The following SLC25A42 variants were observed in gnomAD, a reference collection of about 807,000 sequenced individuals.
SLC25A42 encodes the protein mitochondrial coenzyme A transporter SLC25A42.
Under a neutral mutation model 34.7 loss-of-function variants are expected in SLC25A42, and 19 were observed. The ratio of observed to expected loss-of-function variants is 0.55; its 90% confidence interval spans 0.38 to 0.80. The LOEUF is 0.80. Among genes scored for constraint, SLC25A42 ranks in the 30% least tolerant of loss-of-function variants. The pLI is 0.00. For synonymous variants in SLC25A42, 205 were observed against 191.2 expected (o/e 1.07, Z -0.59); for missense variants, 364 against 441.3 (o/e 0.82, Z 1.57).
rs2059710712 is a variant in SLC25A42, at chr19:19,086,858, C to A, written c.-34-9233C>A. Among the ~76,000 whole-genome samples, 4 of 152,110 alleles carry A rather than the reference C, an allele frequency of 2.6e-5. No homozygotes were observed. In the South Asian group the frequency reaches 8.3e-4, roughly 32 times the overall value. On this transcript the variant is annotated intron_variant, in intron 1 of 7. Transcript: ENST00000318596. ...GCTTTTCCATGTTGCCCAGGTTGGA[C>A]AATGTGATGTTCTGATATATTTACT...
chr19:19,069,116 C>G (rs1392826652), intron 1 of SLC25A42, among the ~76,000 whole-genome samples: 1 of 152,022 alleles, frequency 6.6e-6, no homozygotes, highest in Non-Finnish European at 1.5e-5. Context: ...GGAAGTAGAA[C>G]GATGTCCCCT....
intron 1 of SLC25A42, among the ~76,000 whole-genome samples, chr19:19,066,343 C>A (rs1169352509): frequency 1.3e-5 from 2 of 152,112 alleles, no homozygotes; most frequent in Non-Finnish European, 2.9e-5. Flanking sequence ...GTATATATCC[C>A]CCACCCCTTT....
intron 2 of SLC25A42, 128 bp downstream of exon 2, chr19:19,096,333 G>A (rs1262872129): frequency 3.0e-6 from 2 of 672,004 alleles, no homozygotes; most frequent in African/African-American, 3.9e-5. Flanking sequence ...GGATTCCTCT[G>A]CTGTGCTCCA....
intron 1 of SLC25A42, among the ~76,000 whole-genome samples, chr19:19,083,724 C>T (rs2059692270): frequency 6.6e-6 from 1 of 152,012 alleles, no homozygotes; most frequent in South Asian, 2.1e-4. Flanking sequence ...AGAGGTACAG[C>T]CTGGGCAAGG....
intron 1 of SLC25A42, among the ~76,000 whole-genome samples, chr19:19,092,292 G>A (rs1483377730): frequency 6.6e-6 from 1 of 152,188 alleles, no homozygotes; most frequent in East Asian, 1.9e-4. Flanking sequence ...TATCTTTCAG[G>A]GGCCATCGTT....
intron 2 of SLC25A42, 51 bp downstream of exon 2, chr19:19,096,256 C>CCCCCCCCCCCCCCCCCCCA: frequency 7.8e-7 from 1 of 1,274,028 alleles, no homozygotes; most frequent in Non-Finnish European, 1.1e-6. Flanking sequence ...CCCCAGCCTC[C>CCCCCCCCCCCCCCCCCCCA]CCACCCCCCC....
intron 1 of SLC25A42, among the ~76,000 whole-genome samples, chr19:19,084,981 G>A (rs1289042514): frequency 6.6e-6 from 1 of 151,626 alleles, no homozygotes; most frequent in African/African-American, 2.4e-5. Context: ...AGTGCTTGAT[G>A]AAATGATGTT....
intron 1 of SLC25A42, among the ~76,000 whole-genome samples, chr19:19,091,936 G>T (rs748771083): frequency 6.6e-6 from 1 of 152,202 alleles, no homozygotes; most frequent in Non-Finnish European, 1.5e-5. Context: ...ATGGTTGCAG[G>T]CATTGGTGCC....
At chr19:19,106,507 G>C in intron 6 of SLC25A42, 122 bp downstream of exon 6, 1 of 701,350 alleles carries the variant, frequency 1.4e-6, no homozygotes, top group South Asian at 1.9e-5. Context: ...CGTGTCCACA[G>C]GGCAGGCCTG....
chr19:19,110,702 C>T lies in SLC25A42; in HGVS notation c.783C>T (p.Gly261=). The T allele has an allele frequency of 6.3e-7, 1 of 1,592,408 alleles. No homozygotes were observed. The highest frequency in any genetic ancestry group is 2.3e-5 in the East Asian group (1 of 43,042). ...RRRMQTAGVT[G]YPRASIARTL... is the part of the protein sequence containing the mutation. ...GCATGCAGACGGCCGGCGTCACGGGCTACCCGCGCGCCTCCATCGCCCGCA... is the reference window on the plus strand; with the variant it reads ...GCATGCAGACGGCCGGCGTCACGGGTTACCCGCGCGCCTCCATCGCCCGCA... The change falls in exon 8 of 8, where the codon GGC becomes GGT. Residue 261 remains glycine (G), a synonymous_variant. Coordinates refer to ENST00000318596, the MANE Select transcript of SLC25A42 (RefSeq NM_178526.5).
intron 2 of SLC25A42, 126 bp downstream of exon 2, chr19:19,096,331 C>G: frequency 1.5e-6 from 1 of 683,010 alleles, no homozygotes; most frequent in East Asian, 2.8e-5. Context: ...AGGGATTCCT[C>G]TGCTGTGCTC....
chr19:19,072,152 G>A (rs1484104535), intron 1 of SLC25A42, among the ~76,000 whole-genome samples: 5 of 152,008 alleles, frequency 3.3e-5, no homozygotes, highest in Non-Finnish European at 7.4e-5. Flanking sequence ...TGTGCCTGGC[G>A]AATGTGTACA....
intron 1 of SLC25A42, among the ~76,000 whole-genome samples, chr19:19,077,637 C>T (rs1356028168): frequency 1.3e-5 from 2 of 152,162 alleles, no homozygotes; most frequent in Non-Finnish European, 2.9e-5. Context: ...CGTGTAATCC[C>T]AGCGCTTTGG....
chr19:19,092,466 G>A (rs2059743067), intron 1 of SLC25A42, among the ~76,000 whole-genome samples: 1 of 152,208 alleles, frequency 6.6e-6, no homozygotes, highest in African/African-American at 2.4e-5. Context: ...GTGATCCAGT[G>A]AAGGATGGTA....
intron 2 of SLC25A42, 152 bp from the exon 3 acceptor site, chr19:19,101,629 G>T: frequency 3.3e-6 from 2 of 609,526 alleles, no homozygotes; most frequent in East Asian, 3.1e-5. Flanking sequence ...ACCCACCACA[G>T]ATCACCCAGA....
Position 19,109,273 on chromosome 19 carries a change from C to T in SLC25A42, c.649+1228C>T, listed in dbSNP as rs1303336854. On this transcript the variant is annotated intron_variant, in intron 7 of 7. Coordinates refer to ENST00000318596, the MANE Select transcript of SLC25A42 (RefSeq NM_178526.5). The surrounding 1 kb of genome is among the most constrained non-coding windows in gnomAD (Gnocchi z 4.1). ...TGTTGCCAGGTTTTCTGTGATCAGC[C>T]GACATCCAGGAGCTCGTCTCCTTGT... Among the ~76,000 whole-genome samples, 2 of 152,132 alleles carry T rather than the reference C, an allele frequency of 1.3e-5. No homozygotes were observed. The highest frequency in any genetic ancestry group is 2.9e-5 in the Non-Finnish European group (2 of 68,040).
chr19:19,098,966 TGGA>T (rs1221261076), intron 2 of SLC25A42, among the ~76,000 whole-genome samples: 1 of 152,048 alleles, frequency 6.6e-6, no homozygotes, highest in Admixed American at 6.6e-5. Context: ...AACCACCGAA[TGGA>T]GGAGGTGGAA....
intron 1 of SLC25A42, among the ~76,000 whole-genome samples, chr19:19,090,816 C>T (rs1028900350): frequency 6.6e-6 from 1 of 152,202 alleles, no homozygotes; most frequent in African/African-American, 2.4e-5. Flanking sequence ...GTCTCATGAC[C>T]TGCTTCTGGG....
At chr19:19,090,890 G>C (rs1225855479) in intron 1 of SLC25A42, among the ~76,000 whole-genome samples, 1 of 152,184 alleles carries the variant, frequency 6.6e-6, no homozygotes. Context: ...CATATTTTAG[G>C]CTATTATGTC....
Sources: allele counts gnomAD v4.1 joint callset (sites outside exome capture counted in the v4.1 genomes callset), GRCh38; gene constraint gnomAD v4.1.1; non-coding constraint Gnocchi (gnomAD v3.1); transcripts MANE v1.5; gene names NCBI Gene and HGNC (gene_info 2026-07-23, HGNC 2026-07-21).